Variants in CUX1 observed in about 807,000 individuals in gnomAD.
CUX1 encodes the protein cut like homeobox 1, also known as protein CASP.
CUX1 carries 31 observed loss-of-function variants against 158.8 expected under a neutral mutation model. The ratio of observed to expected loss-of-function variants is 0.20; its 90% CI spans 0.15 to 0.26. The LOEUF (loss-of-function observed/expected upper bound fraction) is 0.26. Ranked by LOEUF, CUX1 falls within the 10% of genes least tolerant of loss-of-function variation. The pLI is 1.00. For synonymous variants in CUX1, 879 were observed against 862.1 expected, an observed-to-expected ratio of 1.02 and a Z score of -0.34; for missense variants, 1,589 against 2,014.6, an observed-to-expected ratio of 0.79 and a Z score of 4.04.
intron 5 of CUX1, among the ~76,000 whole-genome samples, chr7:102,098,424 A>G (rs911809921): frequency 1.3e-5 from 2 of 152,088 alleles, no homozygotes; most frequent in Non-Finnish European, 2.9e-5. Flanking sequence ...CCAGCCTCGG[A>G]AACGTAGCAA....
Position 102,069,343 on chromosome 7 carries a change from C to G in CUX1, c.190-996C>G, listed in dbSNP as rs188300310. Among the ~76,000 whole-genome samples, 55 of 152,322 alleles carry G rather than the reference C, an allele frequency of 3.6e-4. 1 individual carries two copies. The highest frequency in any genetic ancestry group is 2.7e-3 in the Admixed American group (42 of 15,298). ...CATATGTATCCGCGTTCCCACCTGG[C>G]AGACTCTCGTGGGTCCCCTATGCCC... On this transcript the variant is annotated intron_variant, in intron 3 of 23. Coordinates refer to ENST00000292535, the MANE Select transcript of CUX1 (RefSeq NM_181552.4).
chr7:102,221,607 G>A (rs1797804325), intron 20 of CUX1, among the ~76,000 whole-genome samples: 2 of 151,792 alleles, frequency 1.3e-5, no homozygotes, highest in African/African-American at 4.8e-5. Flanking sequence ...GCTGTTTTTG[G>A]AATATAATAT....
intron 15 of CUX1, 95 bp from the exon 16 acceptor site, chr7:102,198,707 T>G (rs1401786868): frequency 6.3e-6 from 7 of 1,105,428 alleles, no homozygotes; most frequent in Non-Finnish European, 9.6e-6. Flanking sequence ...CTTTCTTTAG[T>G]GACAGGCGGC....
intron 8 of CUX1, among the ~76,000 whole-genome samples, chr7:102,135,571 T>C (rs1298518435): frequency 6.7e-6 from 1 of 149,350 alleles, no homozygotes; most frequent in East Asian, 2.0e-4. Flanking sequence ...GTGTGTGTGT[T>C]TGTGTGTGTG....
chr7:102,244,231 G>A (rs782201739), intron 23 of CUX1, among the ~76,000 whole-genome samples: 9 of 151,804 alleles, frequency 5.9e-5, no homozygotes, highest in Middle Eastern at 3.2e-3. Flanking sequence ...AGTTTTTTAC[G>A]TTCTTTTCTC....
chr7:102,156,083 C>A (rs1324144734), intron 8 of CUX1, among the ~76,000 whole-genome samples: 1 of 152,180 alleles, frequency 6.6e-6, no homozygotes, highest in Non-Finnish European at 1.5e-5. Context: ...CCTATTCAGG[C>A]TGCTGGGAGT....
intron 16 of CUX1, among the ~76,000 whole-genome samples, chr7:102,274,544 A>C (rs556840047): frequency 6.6e-6 from 1 of 152,320 alleles, no homozygotes; most frequent in South Asian, 2.1e-4. Context: ...TGAGCCCAGG[A>C]ATTGGAGGCT....
rs187929370 is a variant in CUX1 at position 102,084,304 on chromosome 7, T to C, written c.269-13060T>C. Among the ~76,000 whole-genome samples, 840 of 148,756 alleles carry C rather than the reference T, an allele frequency of 5.6e-3. 11 individuals are homozygous for C. Among genetic ancestry groups the C allele is most frequent in the African/African-American group, 0.019 (792 of 41,012 alleles). On this transcript the variant is annotated intron_variant, in intron 4 of 23. Transcript: ENST00000292535. Reference sequence around the variant, plus strand: ...AAAATATATAAATATATATTTTATATTATGTAATGTTTATATAATAATAAT... The same window carrying C: ...AAAATATATAAATATATATTTTATACTATGTAATGTTTATATAATAATAAT...
chr7:101,971,621 A>G (rs574156038), intron 2 of CUX1, among the ~76,000 whole-genome samples: 8 of 152,330 alleles, frequency 5.3e-5, no homozygotes, highest in Admixed American at 3.3e-4. Flanking sequence ...CCAGCAACCA[A>G]TGCAAAAAGG....
At chr7:101,828,992 G>A (rs887701645) in intron 1 of CUX1, among the ~76,000 whole-genome samples, 3 of 151,820 alleles carry the variant, frequency 2.0e-5, no homozygotes, top group African/African-American at 4.8e-5. Flanking sequence ...TCCAGGGGTC[G>A]AGCCCCTGGG....
chr7:102,008,769 C>T (rs766319134), intron 2 of CUX1, among the ~76,000 whole-genome samples: 1 of 152,184 alleles, frequency 6.6e-6, no homozygotes, highest in African/African-American at 2.4e-5. Context: ...TGCCTACTTA[C>T]GATGAACAAA....
chr7:102,116,137 G>A (rs1178605941), intron 8 of CUX1, among the ~76,000 whole-genome samples: 1 of 152,170 alleles, frequency 6.6e-6, no homozygotes, highest in Non-Finnish European at 1.5e-5. Flanking sequence ...TGGCGCCGCT[G>A]TCCCACCAGG....
chr7:102,257,123 C>A lies in CUX1; in HGVS notation c.*8081C>A. On this transcript the variant is annotated 3_prime_UTR_variant, in exon 24 of 24. Transcript: ENST00000292535. ...AGGCGCCCTGCCTTGATCCCATGGG[C>A]CCAGCAGAAGGAAACTTACCCCAGG... The A allele has an allele frequency of 1.0e-6, 1 of 985,364 alleles. No homozygotes were observed. The highest frequency in any genetic ancestry group is 1.2e-6 in the Non-Finnish European group (1 of 829,932). The allele number at this position is 985,364 out of a possible 1,614,324, so 61.0% of individuals were successfully genotyped here. A position where few individuals can be genotyped will look rare whatever the true frequency, so the allele number is the denominator to read the frequency against.
At chr7:101,831,572 G>T (rs767417961) in intron 1 of CUX1, among the ~76,000 whole-genome samples, 5 of 151,840 alleles carry the variant, frequency 3.3e-5, no homozygotes, top group Non-Finnish European at 7.4e-5. Flanking sequence ...GATTACAGCC[G>T]TGAGCCACCA....
intron 1 of CUX1, among the ~76,000 whole-genome samples, chr7:101,896,991 A>T (rs2131701981): frequency 6.6e-6 from 1 of 152,344 alleles, no homozygotes; most frequent in South Asian, 2.1e-4. Flanking sequence ...GGCCCCCCTG[A>T]GCCTATCTGA....
At chr7:102,244,694 C>CA (rs113468493) in intron 23 of CUX1, among the ~76,000 whole-genome samples, 82 of 149,572 alleles carry the variant, frequency 5.5e-4, no homozygotes, top group Middle Eastern at 6.8e-3. Context: ...TGTCCCCCAG[C>CA]AAAAAAAAAC....
chr7:101,994,680 C>G (rs1343021424), intron 2 of CUX1, among the ~76,000 whole-genome samples: 1 of 152,256 alleles, frequency 6.6e-6, no homozygotes, highest in East Asian at 1.9e-4. Context: ...GCTTCTACTC[C>G]CTCCATTGTC....
At chr7:101,999,162 C>T (rs1816356995) in intron 2 of CUX1, among the ~76,000 whole-genome samples, 1 of 150,350 alleles carries the variant, frequency 6.7e-6, no homozygotes, top group African/African-American at 2.4e-5. Flanking sequence ...GAAGCAGCAG[C>T]TGTCGCCTCC....
chr7:101,994,369 C>T (rs577775279), intron 2 of CUX1, among the ~76,000 whole-genome samples: 4 of 152,282 alleles, frequency 2.6e-5, no homozygotes, highest in South Asian at 2.1e-4. Context: ...TTTGGGAGGC[C>T]GAGGTGGGCA....
Sources: allele counts gnomAD v4.1 joint callset (sites outside exome capture counted in the v4.1 genomes callset), GRCh38; gene constraint gnomAD v4.1.1; transcripts MANE v1.5; gene names NCBI Gene and HGNC (gene_info 2026-07-23, HGNC 2026-07-21).